RAPGEF6: variants seen among roughly 807,000 people sequenced by gnomAD.
RAPGEF6 encodes the protein Rap guanine nucleotide exchange factor 6, also known as PDZ domain containing guanine nucleotide exchange factor (GEF) 2.
RAPGEF6 carries 56 observed loss-of-function variants against 171.4 expected under a neutral mutation model. The observed-to-expected ratio is 0.33, with a 90% CI of 0.26 to 0.41. RAPGEF6 has a LOEUF of 0.41. Ranked by LOEUF, RAPGEF6 falls within the 10% of genes least tolerant of loss-of-function variation. The probability of loss-of-function intolerance (pLI) is 1.00; values close to 1 mark genes in which losing one functional copy is unlikely to be tolerated. For synonymous variants in RAPGEF6, 692 were observed against 650.1 expected, an observed-to-expected ratio of 1.06 and a Z score of -0.98; for missense variants, 1,674 against 1,921.4, an observed-to-expected ratio of 0.87 and a Z score of 2.41.
chr5:131,488,497 T>C (rs1756073836), intron 15 of RAPGEF6, among the ~76,000 whole-genome samples: 1 of 152,160 alleles, frequency 6.6e-6, no homozygotes. Flanking sequence ...TTCTAGATAT[T>C]AGTCGAAACT....
At chr5:131,584,651 A>G (rs1165395509) in intron 4 of RAPGEF6, among the ~76,000 whole-genome samples, 1 of 152,206 alleles carries the variant, frequency 6.6e-6, no homozygotes, top group Non-Finnish European at 1.5e-5. Flanking sequence ...AGATTGGCCT[A>G]TTGAGATGTC....
intron 15 of RAPGEF6, among the ~76,000 whole-genome samples, chr5:131,487,212 G>A (rs192805066): frequency 1.2e-4 from 19 of 152,150 alleles, no homozygotes; most frequent in Non-Finnish European, 2.2e-4. Context: ...GAATGAAGCC[G>A]CGGACCTTCG....
chr5:131,442,461 T>A lies in RAPGEF6; in HGVS notation c.3498A>T (p.Gln1166His). ...GTTGATGCAAGTGGGCTTTAGTTGT[T>A]TGGCCAGCTGACCTCATAGGCACTG... ...MSPVPMRSAG[Q>H]TTKAHLHQPH... Residue 1166 changes from glutamine to histidine, a missense_variant, in exon 23 of 28, where the codon CAA (glutamine) becomes CAT (histidine). Physicochemically the swap from Gln to His is conservative, Grantham distance 24. This residue lies in a region of RAPGEF6 where 552 missense variants were observed against 574.2 expected (regional missense o/e 0.96). Transcript: ENST00000509018. The A allele has an allele frequency of 6.2e-7, 1 of 1,614,186 alleles. No homozygotes were observed. Among genetic ancestry groups the A allele is most frequent in the Non-Finnish European group, 8.5e-7 (1 of 1,180,028 alleles).
intron 1 of RAPGEF6, among the ~76,000 whole-genome samples, chr5:131,608,591 T>C (rs1331135733): frequency 6.6e-6 from 1 of 152,186 alleles, no homozygotes; most frequent in East Asian, 1.9e-4. Flanking sequence ...CCAAAACTCA[T>C]GCTAAAATTT....
intron 6 of RAPGEF6, among the ~76,000 whole-genome samples, chr5:131,530,681 A>G (rs1483055050): frequency 1.3e-5 from 2 of 152,164 alleles, no homozygotes; most frequent in African/African-American, 4.8e-5. Context: ...TGCTCATATA[A>G]TGTTTGCTGG....
chr5:131,461,534 T>C (rs940222792), intron 19 of RAPGEF6, among the ~76,000 whole-genome samples, 171 bp downstream of exon 19: 2 of 151,974 alleles, frequency 1.3e-5, no homozygotes, highest in African/African-American at 4.8e-5. Context: ...GAAACAAAAA[T>C]AGAAAAAGCC....
At chr5:131,483,058 G>A (rs1340218599) in intron 15 of RAPGEF6, among the ~76,000 whole-genome samples, 1 of 152,078 alleles carries the variant, frequency 6.6e-6, no homozygotes, top group African/African-American at 2.4e-5. Flanking sequence ...TTTTAAAATT[G>A]TTAAATTTGG....
chr5:131,584,354 T>C (rs758304375), intron 4 of RAPGEF6, among the ~76,000 whole-genome samples: 9 of 152,174 alleles, frequency 5.9e-5, no homozygotes, highest in East Asian at 1.9e-4. Flanking sequence ...ATTATGACAG[T>C]GAAAGAGATC....
At chr5:131,561,888 T>A in intron 5 of RAPGEF6, 90 bp downstream of exon 5, 1 of 959,118 alleles carries the variant, frequency 1.0e-6, no homozygotes, top group South Asian at 1.4e-5. Flanking sequence ...GTCATAGTAA[T>A]AAAACCTCCT....
chr5:131,432,073 C>A (rs991710444), intron 25 of RAPGEF6, among the ~76,000 whole-genome samples: 1 of 151,946 alleles, frequency 6.6e-6, no homozygotes, highest in Admixed American at 6.6e-5. Flanking sequence ...TAGCCAACAG[C>A]CTATTTTTGT....
At chr5:131,493,672 A>G (rs767521013) in intron 13 of RAPGEF6, among the ~76,000 whole-genome samples, 4 of 152,082 alleles carry the variant, frequency 2.6e-5, no homozygotes, top group Non-Finnish European at 5.9e-5. Flanking sequence ...ACAAAAAGCT[A>G]AAGTTTTTTT....
intron 1 of RAPGEF6, among the ~76,000 whole-genome samples, chr5:131,615,581 C>T (rs1338473701): frequency 6.6e-6 from 1 of 152,144 alleles, no homozygotes; most frequent in African/African-American, 2.4e-5. Flanking sequence ...GCTGAATGCA[C>T]TTGAAAGCTG....
At chr5:131,595,533 T>C (rs1763845810) in intron 3 of RAPGEF6, among the ~76,000 whole-genome samples, 1 of 152,168 alleles carries the variant, frequency 6.6e-6, no homozygotes, top group Non-Finnish European at 1.5e-5. Context: ...AGAGTCTTTA[T>C]GCTAGCTCTA....
chr5:131,494,932 G>A (rs1011277848), intron 13 of RAPGEF6, among the ~76,000 whole-genome samples: 1 of 152,130 alleles, frequency 6.6e-6, no homozygotes, highest in Non-Finnish European at 1.5e-5. Flanking sequence ...AAAAGAGACT[G>A]AGGGTACACA....
Position 131,504,872 on chromosome 5 carries a change from C to T in RAPGEF6, c.1102-94G>A, listed in dbSNP as rs149398361. 91 of 1,168,688 alleles carry T rather than the reference C, an allele frequency of 7.8e-5. No individual in the cohort carries two copies. The South Asian group carries it at 1.0e-3, about 13-fold the overall frequency. 72.4% of individuals were successfully genotyped at this position (1,168,688 alleles called of 1,614,324 possible). ...CAGAGCACAAAGGTAAGAAATCTAG[C>T]GGCATTAGTTCTTTTTCACTTAATT... On this transcript the variant is annotated intron_variant, in intron 10 of 27. Coordinates refer to ENST00000509018, the MANE Select transcript of RAPGEF6 (RefSeq NM_016340.6).
chr5:131,510,291 T>C (rs1471991805), intron 8 of RAPGEF6, 23 bp downstream of exon 8: 20 of 1,589,130 alleles, frequency 1.3e-5, no homozygotes, highest in Non-Finnish European at 1.5e-5. Context: ...CAAATTCTTA[T>C]TGTGAACACA....
intron 1 of RAPGEF6, among the ~76,000 whole-genome samples, chr5:131,624,646 CA>C (rs1195143277): frequency 6.6e-6 from 1 of 151,968 alleles, no homozygotes; most frequent in Non-Finnish European, 1.5e-5. Flanking sequence ...AACAAACAAA[CA>C]AAAACACTCC....
intron 13 of RAPGEF6, 25 bp downstream of exon 13, chr5:131,495,528 G>C (rs1301630293): frequency 1.3e-6 from 2 of 1,589,082 alleles, no homozygotes; most frequent in Non-Finnish European, 1.7e-6. Flanking sequence ...ACACTCTGAA[G>C]AATAGAAATT....
chr5:131,508,269 G>A (rs915584834), intron 8 of RAPGEF6, 62 bp from the exon 9 acceptor site: 22 of 1,421,712 alleles, frequency 1.5e-5, no homozygotes, highest in South Asian at 1.0e-4. Context: ...AAAATACAAC[G>A]AAATCTAGAA....
Sources: gnomAD v4.1 joint callset for allele counts (sites outside exome capture counted in the v4.1 genomes callset) on GRCh38, gnomAD v4.1.1 for gene constraint, gnomAD v4.1.1 regional missense constraint, MANE v1.5 for transcripts, NCBI Gene and HGNC (gene_info 2026-07-23, HGNC 2026-07-21) for gene names.